SMYD3: variants seen among roughly 807,000 people sequenced by gnomAD.
SMYD3 encodes the protein SET and MYND domain containing 3, also known as histone-lysine N-methyltransferase SMYD3.
A neutral mutation model predicts 57.7 loss-of-function variants in SMYD3; 36 were observed. The observed-to-expected ratio is 0.62, with a 90% confidence interval of 0.48 to 0.82. SMYD3 has a LOEUF of 0.82. SMYD3 is among the 40% of genes least tolerant of loss of function. SMYD3 has a pLI of 0.00. For missense variants in SMYD3, 515 were observed against 538.8 expected, an observed-to-expected ratio of 0.96 and a Z score of 0.44; for synonymous variants, 211 against 195.0, an observed-to-expected ratio of 1.08 and a Z score of -0.68.
chr1:246,016,613 C>A (rs2059381371), intron 5 of SMYD3, among the ~76,000 whole-genome samples: 2 of 151,674 alleles, frequency 1.3e-5, no homozygotes, highest in Admixed American at 6.6e-5. Flanking sequence ...GAAAAAGAAA[C>A]AGAACAACAG....
At chr1:245,857,742 C>T (rs1371775474) in intron 10 of SMYD3, among the ~76,000 whole-genome samples, 2 of 152,180 alleles carry the variant, frequency 1.3e-5, no homozygotes, top group Admixed American at 6.5e-5. Flanking sequence ...TCCCCTTGGG[C>T]TGCTCTCCGT....
chr1:245,771,094 A>G (rs1310320134), intron 10 of SMYD3, among the ~76,000 whole-genome samples: 1 of 152,012 alleles, frequency 6.6e-6, no homozygotes, highest in Non-Finnish European at 1.5e-5. Flanking sequence ...ATATATACCC[A>G]CATATATACA....
intron 5 of SMYD3, among the ~76,000 whole-genome samples, chr1:246,217,191 C>T (rs1572226704): frequency 1.3e-5 from 2 of 152,120 alleles, no homozygotes; most frequent in East Asian, 3.8e-4. Context: ...TGAGCAGGAT[C>T]CAAGGTTGTT....
At chr1:245,792,116 TTCATTCATTCAC>T (rs1221424232) in intron 10 of SMYD3, among the ~76,000 whole-genome samples, 1 of 152,112 alleles carries the variant, frequency 6.6e-6, no homozygotes, top group Admixed American at 6.5e-5. Flanking sequence ...AGCCAACTCA[TTCATTCATTCAC>T]TCATTCATTT....
intron 5 of SMYD3, among the ~76,000 whole-genome samples, chr1:246,037,581 T>C (rs1321215249): frequency 6.6e-6 from 1 of 152,244 alleles, no homozygotes; most frequent in Admixed American, 6.5e-5. Flanking sequence ...TGACCCATCT[T>C]TCCTGCTCCG....
chr1:245,811,011 G>A (rs2048439514), intron 10 of SMYD3, among the ~76,000 whole-genome samples: 1 of 152,162 alleles, frequency 6.6e-6, no homozygotes, highest in Non-Finnish European at 1.5e-5. Context: ...CCTCTCTCCA[G>A]GCTCACTGAT....
At chr1:245,977,824 T>C (rs1255549323) in intron 5 of SMYD3, among the ~76,000 whole-genome samples, 1 of 152,230 alleles carries the variant, frequency 6.6e-6, no homozygotes, top group Admixed American at 6.5e-5. Flanking sequence ...GTTGGCCCCA[T>C]GCAGGGAACA....
chr1:245,812,578 G>A (rs1005047651), intron 10 of SMYD3, among the ~76,000 whole-genome samples: 3 of 151,906 alleles, frequency 2.0e-5, no homozygotes, highest in Middle Eastern at 3.2e-3. Context: ...GGTATTTTCC[G>A]TGAAAACACA....
At chr1:245,782,196 AC>A (rs2046858946) in intron 10 of SMYD3, among the ~76,000 whole-genome samples, 1 of 152,128 alleles carries the variant, frequency 6.6e-6, no homozygotes, top group African/African-American at 2.4e-5. Context: ...TCAAATCCCT[AC>A]TTAGAGGTCA....
intron 11 of SMYD3, among the ~76,000 whole-genome samples, chr1:245,756,787 C>T (rs1267157574): frequency 7.1e-6 from 1 of 141,068 alleles, no homozygotes; most frequent in Non-Finnish European, 1.5e-5. Context: ...TTTTCTCTTG[C>T]TGCTTTTAGG....
chr1:246,329,771 C>T (rs190501531), intron 4 of SMYD3, among the ~76,000 whole-genome samples: 6 of 152,220 alleles, frequency 3.9e-5, no homozygotes, highest in African/African-American at 1.2e-4. Context: ...ATGGGAACTT[C>T]AGATCCCACA....
At chr1:246,404,819 C>T (rs1269093792) in intron 1 of SMYD3, among the ~76,000 whole-genome samples, 1 of 152,134 alleles carries the variant, frequency 6.6e-6, no homozygotes, top group Non-Finnish European at 1.5e-5. Context: ...TGGCTGATTA[C>T]CATATTGGAC....
chr1:245,895,024 A>G (rs780443185), intron 8 of SMYD3, among the ~76,000 whole-genome samples: 5 of 152,246 alleles, frequency 3.3e-5, no homozygotes, highest in Admixed American at 6.5e-5. Flanking sequence ...TGAACGCCAC[A>G]GTCCAAGGCA....
chr1:246,437,799 C>G (rs1238758792), intron 1 of SMYD3, among the ~76,000 whole-genome samples: 1 of 152,120 alleles, frequency 6.6e-6, no homozygotes, highest in Non-Finnish European at 1.5e-5. Flanking sequence ...CAAGAAAACT[C>G]TCATTATTTC....
chr1:246,216,952 C>G (rs2063174568), intron 5 of SMYD3, among the ~76,000 whole-genome samples: 1 of 152,074 alleles, frequency 6.6e-6, no homozygotes, highest in Non-Finnish European at 1.5e-5. Flanking sequence ...CTGAACAGAC[C>G]TAGGATTTTC....
chr1:246,507,112 A>G lies in SMYD3; in HGVS notation c.106T>C (p.Leu36=). The G allele has an allele frequency of 1.3e-6, 2 of 1,533,046 alleles. No individual in the cohort carries two copies. The highest frequency in any genetic ancestry group is 1.8e-6 in the Non-Finnish European group (2 of 1,139,956). The allele number at this position is 1,533,046 out of a possible 1,614,324, so 95.0% of individuals were successfully genotyped here. The change falls in exon 1 of 12, where the codon TTG becomes CTG. Residue 36 remains leucine, a synonymous_variant. Coordinates refer to ENST00000490107, the MANE Select transcript of SMYD3 (RefSeq NM_001167740.2). ...CTCCCCTTGCACACCGTGTACGCCAAGGGATCCGAGCGGAAGAGTAGCTCT... is the reference window on the plus strand; with the variant it reads ...CTCCCCTTGCACACCGTGTACGCCAGGGGATCCGAGCGGAAGAGTAGCTCT... The part of the protein sequence containing the change: ...PGELLFRSDP[L]AYTVCKGSRG...
At chr1:245,769,888 C>T (rs2046268648) in intron 10 of SMYD3, among the ~76,000 whole-genome samples, 1 of 152,078 alleles carries the variant, frequency 6.6e-6, no homozygotes, top group Admixed American at 6.5e-5. Flanking sequence ...GTTATAAATC[C>T]CCAGGTCCAG....
At chr1:246,458,345 AT>A (rs1398442776) in intron 1 of SMYD3, among the ~76,000 whole-genome samples, 2 of 152,068 alleles carry the variant, frequency 1.3e-5, no homozygotes, top group Admixed American at 6.5e-5. Flanking sequence ...CTGAAGACTA[AT>A]TCTGAAGTGA....
At chr1:246,307,756 G>A (rs1429499132) in intron 5 of SMYD3, among the ~76,000 whole-genome samples, 1 of 152,138 alleles carries the variant, frequency 6.6e-6, no homozygotes, top group Non-Finnish European at 1.5e-5. Context: ...AAAGCAGCAC[G>A]AGGAGGGCTC....
Sources: gnomAD v4.1 joint callset for allele counts (sites outside exome capture counted in the v4.1 genomes callset) on GRCh38, gnomAD v4.1.1 for gene constraint, MANE v1.5 for transcripts, NCBI Gene and HGNC (gene_info 2026-07-23, HGNC 2026-07-21) for gene names.